The following EPS15 variants were observed in gnomAD, a reference collection of about 807,000 sequenced individuals.
EPS15 encodes epidermal growth factor receptor pathway substrate 15.
In EPS15, 72 loss-of-function variants were observed where a neutral mutation model predicts 113.8. The observed-to-expected ratio is 0.63, with a 90% CI of 0.52 to 0.77. The LOEUF is 0.77. Ranked by LOEUF, EPS15 falls within the 30% of genes least tolerant of loss-of-function variation. The pLI, the probability that EPS15 is intolerant of heterozygous loss-of-function variation, is 0.00. For missense variants in EPS15, 1,048 were observed against 1,045.8 expected, an observed-to-expected ratio of 1.00 and a Z score of -0.03; for synonymous variants, 344 against 363.4, an observed-to-expected ratio of 0.95 and a Z score of 0.61.
At chr1:51,447,972 G>T in intron 9 of EPS15, 74 bp downstream of exon 9, 1 of 1,568,766 alleles carries the variant, frequency 6.4e-7, no homozygotes, top group Non-Finnish European at 8.6e-7. Flanking sequence ...AATGCCTACA[G>T]ATGGTAAGGA....
At chr1:51,385,029 C>T (rs78397547) in intron 21 of EPS15, among the ~76,000 whole-genome samples, 4,881 of 152,244 alleles carry the variant, frequency 0.032, 127 homozygotes, top group Non-Finnish European at 0.05. Context: ...GATTTAGCAA[C>T]GCTTTCTTGG....
intron 18 of EPS15, among the ~76,000 whole-genome samples, chr1:51,401,703 G>A (rs78522848): frequency 1.3e-5 from 2 of 152,168 alleles, no homozygotes; most frequent in African/African-American, 4.8e-5. Context: ...ACATTAGTCA[G>A]TAGGAAAATA....
chr1:51,477,885 A>G (rs1045161324), intron 2 of EPS15, among the ~76,000 whole-genome samples: 6 of 152,144 alleles, frequency 3.9e-5, no homozygotes, highest in Non-Finnish European at 7.4e-5. Flanking sequence ...TATGTGGTCA[A>G]TTTTGGAATA....
intron 1 of EPS15, among the ~76,000 whole-genome samples, chr1:51,504,208 A>G (rs549264879): frequency 5.9e-5 from 9 of 152,258 alleles, no homozygotes; most frequent in African/African-American, 2.2e-4. Context: ...GGAGTTCAAG[A>G]CCAGCCTGGG....
In EPS15 at chr1:51,355,079, C is replaced by A; in HGVS notation, c.*1621G>T. On this transcript the variant is annotated 3_prime_UTR_variant, in exon 25 of 25. Transcript: ENST00000371733. ...TAAGCCTTGTGATTATGATTCAGCC[C>A]TTGCTTCATATGTATGACTTTTATG... The A allele has an allele frequency of 4.5e-6, 1 of 221,586 alleles. No homozygotes were observed. Among genetic ancestry groups the A allele is most frequent in the Admixed American group, 5.7e-5 (1 of 17,406 alleles). The allele number at this position is 221,586 out of a possible 1,614,324, so 13.7% of individuals were successfully genotyped here.
At chr1:51,409,215 C>A (rs963188677) in intron 14 of EPS15, among the ~76,000 whole-genome samples, 1 of 152,080 alleles carries the variant, frequency 6.6e-6, no homozygotes, top group Non-Finnish European at 1.5e-5. Flanking sequence ...AGCCACTGTG[C>A]CCAGCCAATT....
At chr1:51,498,918 G>T (rs1474633035) in intron 1 of EPS15, among the ~76,000 whole-genome samples, 1 of 152,162 alleles carries the variant, frequency 6.6e-6, no homozygotes, top group Non-Finnish European at 1.5e-5. Context: ...AGTCATAAGG[G>T]CTCCTCCCTT....
intron 2 of EPS15, among the ~76,000 whole-genome samples, chr1:51,480,794 G>A (rs111850066): frequency 0.043 from 6,602 of 152,218 alleles, 216 homozygotes; most frequent in Middle Eastern, 0.11. Flanking sequence ...TTACAGGTGT[G>A]AGCCACCACA....
At chr1:51,420,721 A>T (rs561425293) in intron 13 of EPS15, among the ~76,000 whole-genome samples, 1 of 152,218 alleles carries the variant, frequency 6.6e-6, no homozygotes, top group East Asian at 1.9e-4. Flanking sequence ...AGTAAATATA[A>T]TAAATGTAGT....
At chr1:51,483,955 G>A (rs1221847936) in intron 1 of EPS15, among the ~76,000 whole-genome samples, 1 of 152,002 alleles carries the variant, frequency 6.6e-6, no homozygotes. Flanking sequence ...CACCAAAAAT[G>A]CAAAAATTAG....
intron 4 of EPS15, among the ~76,000 whole-genome samples, chr1:51,470,215 G>T (rs1655137577): frequency 2.0e-5 from 3 of 152,118 alleles, no homozygotes; most frequent in African/African-American, 7.2e-5. Flanking sequence ...CCATAATAGG[G>T]GGGCTAATAC....
At chr1:51,368,664 C>G (rs1216767322) in intron 21 of EPS15, among the ~76,000 whole-genome samples, 2 of 149,572 alleles carry the variant, frequency 1.3e-5, no homozygotes, top group South Asian at 2.1e-4. Context: ...GTGGCACGAT[C>G]TCGGCTCACT....
intron 1 of EPS15, among the ~76,000 whole-genome samples, chr1:51,502,517 T>C (rs1478494133): frequency 6.6e-6 from 1 of 151,974 alleles, no homozygotes; most frequent in Admixed American, 6.5e-5. Context: ...GAATAAGAAA[T>C]AGCATCTAGA....
In EPS15 at chr1:51,507,045, T is replaced by C. The variant is rs569638830; in HGVS notation, c.33+12154A>G. Among the ~76,000 whole-genome samples the C allele has an allele frequency of 1.2e-4, 18 of 152,310 alleles. No individual in the cohort carries two copies. In the South Asian group the frequency reaches 3.7e-3, roughly 32 times the overall value. Reference sequence around the variant, plus strand: ...TCCCTTCAGAATAGCATTTTTCAGATTATTGCTCGAGTTAACCCTTGCTGC... The same window carrying C: ...TCCCTTCAGAATAGCATTTTTCAGACTATTGCTCGAGTTAACCCTTGCTGC... On this transcript the variant is annotated intron_variant, in intron 1 of 24. Coordinates refer to ENST00000371733, the MANE Select transcript of EPS15 (RefSeq NM_001981.3).
At chr1:51,397,749 C>G (rs1648100801) in intron 20 of EPS15, among the ~76,000 whole-genome samples, 1 of 152,156 alleles carries the variant, frequency 6.6e-6, no homozygotes. Context: ...TAATACAAAA[C>G]CTATTATCTT....
chr1:51,499,367 T>G (rs553188373), intron 1 of EPS15, among the ~76,000 whole-genome samples: 21 of 152,330 alleles, frequency 1.4e-4, no homozygotes, highest in African/African-American at 4.8e-4. Context: ...TTTAATTCAT[T>G]TAGCTCTTCA....
intron 8 of EPS15, 80 bp downstream of exon 8, chr1:51,461,011 A>G (rs1654396230): frequency 1.1e-6 from 1 of 926,804 alleles, no homozygotes; most frequent in Admixed American, 1.9e-5. Flanking sequence ...GTTTTCCTCT[A>G]AGGATGAACT....
At chr1:51,474,919 A>G (rs1655548707) in intron 2 of EPS15, among the ~76,000 whole-genome samples, 2 of 147,000 alleles carry the variant, frequency 1.4e-5, no homozygotes, top group African/African-American at 5.1e-5. Flanking sequence ...CCTATGAGTG[A>G]GAACATGCGG....
intron 21 of EPS15, among the ~76,000 whole-genome samples, chr1:51,369,035 C>CTTTTCT (rs1646579020): frequency 6.6e-6 from 1 of 152,148 alleles, no homozygotes; most frequent in Non-Finnish European, 1.5e-5. Flanking sequence ...TTTTCTCTGT[C>CTTTTCT]CTGTCCCACA....
Sources: allele counts gnomAD v4.1 joint callset (sites outside exome capture counted in the v4.1 genomes callset), GRCh38; gene constraint gnomAD v4.1.1; transcripts MANE v1.5; gene names NCBI Gene and HGNC (gene_info 2026-07-23, HGNC 2026-07-21).